TNFRSF19: variants seen among roughly 807,000 people sequenced by gnomAD.
The protein encoded by TNFRSF19 is TNF receptor superfamily member 19.
TNFRSF19 carries 27 observed loss-of-function variants against 46.4 expected under a neutral mutation model. The ratio of observed to expected loss-of-function variants is 0.58; its 90% CI spans 0.43 to 0.80. The LOEUF is 0.80. TNFRSF19 is among the 30% of genes least tolerant of loss of function. TNFRSF19 has a pLI of 0.00. For missense variants in TNFRSF19, 511 were observed against 530.8 expected (o/e 0.96, Z 0.37); for synonymous variants, 204 against 205.0 (o/e 1.00, Z 0.04).
At chr13:23,596,282 A>G (rs1879716783) in intron 3 of TNFRSF19, among the ~76,000 whole-genome samples, 1 of 152,224 alleles carries the variant, frequency 6.6e-6, no homozygotes, top group Non-Finnish European at 1.5e-5. Flanking sequence ...TAAATGGGCT[A>G]AATACACCAA....
rs1415755056 is a variant in TNFRSF19, at chr13:23,668,864, A to G, written c.1012A>G (p.Asn338Asp). 6.2e-7 allele frequency: 1 copy of G among 1,614,158 alleles called. No individual in the cohort carries two copies. The highest frequency in any genetic ancestry group is 8.5e-7 in the Non-Finnish European group (1 of 1,180,066). ...CACTGGAGAAGACATTCATTCTCTC[A>G]ATCCAGAACTTGAAAGCTCAACGTC... ...ELTGEDIHSL[N>D]PELESSTSLD... Residue 338 changes from asparagine (N) to aspartate (D), a missense_variant, in exon 9 of 10, where the codon AAT becomes GAT. Around this residue, in one of 3 missense-constraint regions of TNFRSF19, gnomAD observed 376 missense variants for 372.7 expected, o/e 1.01. Coordinates refer to ENST00000248484, the MANE Select transcript of TNFRSF19 (RefSeq NM_148957.4).
intron 5 of TNFRSF19, among the ~76,000 whole-genome samples, chr13:23,640,560 C>T (rs796510817): frequency 1.2e-4 from 19 of 152,328 alleles, no homozygotes; most frequent in African/African-American, 4.6e-4. Flanking sequence ...GGTGGCCTCC[C>T]GTCTTCTTTC....
rs151335990 is a variant in TNFRSF19 at position 23,574,427 on chromosome 13, T to C, written c.-35+3579T>C. Among the ~76,000 whole-genome samples, 377 of 151,886 alleles carry C rather than the reference T, an allele frequency of 2.5e-3. 1 individual carries two copies. The highest frequency in any genetic ancestry group is 8.9e-3 in the African/African-American group (370 of 41,404). The stretch of plus-strand genomic sequence containing the variant: ...GCTGAACTTGACTGTCAGCAAACAT[T>C]ATAGCCAAAATTTTGGCCAAAAATA... On this transcript the variant is annotated intron_variant, in intron 1 of 9. Transcript: ENST00000248484.
At chr13:23,612,903 A>G (rs573972441) in intron 3 of TNFRSF19, among the ~76,000 whole-genome samples, 12 of 152,260 alleles carry the variant, frequency 7.9e-5, no homozygotes, top group African/African-American at 2.9e-4. Context: ...GGAGGAGGTG[A>G]CTTGGAGACA....
At chr13:23,657,944 G>T (rs1322362625) in intron 5 of TNFRSF19, among the ~76,000 whole-genome samples, 2 of 152,170 alleles carry the variant, frequency 1.3e-5, no homozygotes, top group Non-Finnish European at 2.9e-5. Context: ...CTTCAGTCGA[G>T]GGGAGGCTCC....
At chr13:23,577,011 TAA>T (rs1316540213) in intron 1 of TNFRSF19, among the ~76,000 whole-genome samples, 4 of 152,268 alleles carry the variant, frequency 2.6e-5, no homozygotes, top group African/African-American at 7.2e-5. Flanking sequence ...GGCTATTTAG[TAA>T]GTGCTAGGCA....
At chr13:23,660,061 G>A (rs1884257708) in intron 6 of TNFRSF19, among the ~76,000 whole-genome samples, 1 of 152,086 alleles carries the variant, frequency 6.6e-6, no homozygotes, top group Non-Finnish European at 1.5e-5. Flanking sequence ...TCAAACCCGT[G>A]TTGCTTAAGG....
At chr13:23,605,298 A>G (rs1327887689) in intron 3 of TNFRSF19, among the ~76,000 whole-genome samples, 3 of 152,218 alleles carry the variant, frequency 2.0e-5, no homozygotes, top group African/African-American at 7.2e-5. Flanking sequence ...TCCAGAATCC[A>G]GAACACAGAC....
At chr13:23,571,918 T>G (rs984835279) in intron 1 of TNFRSF19, among the ~76,000 whole-genome samples, 2 of 151,996 alleles carry the variant, frequency 1.3e-5, no homozygotes, top group Non-Finnish European at 2.9e-5. Context: ...GGGCAAAATA[T>G]TTAATTATTA....
At chr13:23,603,828 T>G (rs1198850415) in intron 3 of TNFRSF19, among the ~76,000 whole-genome samples, 3 of 151,886 alleles carry the variant, frequency 2.0e-5, no homozygotes, top group Non-Finnish European at 4.4e-5. Flanking sequence ...GGAAAGGAAT[T>G]TCCTCTACTT....
intron 9 of TNFRSF19, chr13:23,669,341 A>G (rs1281633946): frequency 7.6e-7 from 1 of 1,310,484 alleles, no homozygotes; most frequent in African/African-American, 1.5e-5. Flanking sequence ...AAGTACAACC[A>G]CTTAGCACAG....
chr13:23,625,640 C>T (rs1169140256), intron 4 of TNFRSF19, among the ~76,000 whole-genome samples: 1 of 152,126 alleles, frequency 6.6e-6, no homozygotes, highest in African/African-American at 2.4e-5. Context: ...TATTCTTACA[C>T]ATACATCTTT....
At chr13:23,617,034 T>C (rs1413461613) in intron 4 of TNFRSF19, among the ~76,000 whole-genome samples, 2 of 151,850 alleles carry the variant, frequency 1.3e-5, no homozygotes, top group African/African-American at 4.8e-5. Flanking sequence ...ACAGCGTAAA[T>C]TGGGTTGTCA....
intron 5 of TNFRSF19, among the ~76,000 whole-genome samples, chr13:23,648,568 GC>G (rs1883458572): frequency 6.6e-6 from 1 of 152,110 alleles, no homozygotes; most frequent in African/African-American, 2.4e-5. Context: ...CAGTTTGGAT[GC>G]TTTTATTTCT....
intron 1 of TNFRSF19, among the ~76,000 whole-genome samples, chr13:23,574,295 A>AT (rs971862047): frequency 2.6e-5 from 4 of 152,248 alleles, no homozygotes; most frequent in Admixed American, 6.5e-5. Context: ...TTGTGCAAGG[A>AT]TAAATAACAT....
intron 8 of TNFRSF19, among the ~76,000 whole-genome samples, chr13:23,668,445 T>A (rs1951687442): frequency 6.6e-6 from 1 of 152,232 alleles, no homozygotes; most frequent in Admixed American, 6.5e-5. Context: ...GGAAACTGCA[T>A]GTTTTAGACA....
At chr13:23,633,603 C>A (rs983372821) in intron 5 of TNFRSF19, among the ~76,000 whole-genome samples, 1 of 152,174 alleles carries the variant, frequency 6.6e-6, no homozygotes, top group East Asian at 1.9e-4. Flanking sequence ...AATCCCAGCA[C>A]TTTGGGTGGC....
intron 1 of TNFRSF19, among the ~76,000 whole-genome samples, chr13:23,581,138 T>C (rs928751718): frequency 7.3e-5 from 11 of 150,900 alleles, no homozygotes; most frequent in African/African-American, 7.3e-5. Flanking sequence ...TTTTCTTTTT[T>C]TTTTTTTGAA....
chr13:23,641,209 T>C (rs1342831004), intron 5 of TNFRSF19, among the ~76,000 whole-genome samples: 2 of 152,246 alleles, frequency 1.3e-5, no homozygotes, highest in African/African-American at 2.4e-5. Flanking sequence ...CCATATCCCT[T>C]GAGTGAGAAC....
Sources: gnomAD v4.1 joint callset for allele counts (sites outside exome capture counted in the v4.1 genomes callset) on GRCh38, gnomAD v4.1.1 for gene constraint, gnomAD v4.1.1 regional missense constraint, MANE v1.5 for transcripts, NCBI Gene and HGNC (gene_info 2026-07-23, HGNC 2026-07-21) for gene names.